Variants in MCTP2 observed in about 807,000 individuals in gnomAD.
MCTP2 encodes the protein multiple C2 and transmembrane domain containing 2, also known as multiple C2 and transmembrane domain-containing protein 2.
A neutral mutation model predicts 111.6 loss-of-function variants in MCTP2; 132 were observed. That is an observed-to-expected ratio of 1.18 (90% CI 1.03 to 1.37). MCTP2 has a LOEUF of 1.37. MCTP2 is among the 40% of genes most tolerant of loss of function. The pLI, the probability that MCTP2 is intolerant of heterozygous loss-of-function variation, is 0.00. For synonymous variants in MCTP2, 395 were observed against 387.7 expected, an observed-to-expected ratio of 1.02 and a Z score of -0.22; for missense variants, 1,183 against 1,067.9, an observed-to-expected ratio of 1.11 and a Z score of -1.50.
chr15:94,374,334 G>C (rs2079641282), intron 12 of MCTP2, among the ~76,000 whole-genome samples: 1 of 152,212 alleles, frequency 6.6e-6, no homozygotes. Flanking sequence ...TACCCATTGA[G>C]AGAGATCAGC....
chr15:94,234,752 T>C (rs1266085123), intron 1 of MCTP2, among the ~76,000 whole-genome samples: 2 of 152,216 alleles, frequency 1.3e-5, no homozygotes, highest in African/African-American at 2.4e-5. Flanking sequence ...AGTTTTCTAA[T>C]GTCCCAAGTC....
chr15:94,308,419 G>GC (rs1281436426), intron 2 of MCTP2, among the ~76,000 whole-genome samples: 1 of 152,172 alleles, frequency 6.6e-6, no homozygotes. Flanking sequence ...CTCAGGGGAA[G>GC]CCCAACCTAG....
chr15:94,397,106 C>T (rs974033221), intron 14 of MCTP2, among the ~76,000 whole-genome samples: 1 of 152,098 alleles, frequency 6.6e-6, no homozygotes, highest in East Asian at 1.9e-4. Context: ...AATTTTTAAA[C>T]TTTTTACAGT....
chr15:94,399,896 T>C, intron 15 of MCTP2, 25 bp from the exon 16 acceptor site: 1 of 1,610,070 alleles, frequency 6.2e-7, no homozygotes, highest in South Asian at 1.1e-5. Context: ...ATGCTGCCCT[T>C]TTTTAACAAG....
At chr15:94,238,787 T>G (rs1396306490) in intron 1 of MCTP2, among the ~76,000 whole-genome samples, 1 of 150,456 alleles carries the variant, frequency 6.6e-6, no homozygotes, top group Non-Finnish European at 1.5e-5. Flanking sequence ...ACAGAGGGAG[T>G]GTTTTGAGAA....
rs780796273 is a variant in MCTP2 at position 94,392,842 on chromosome 15, A to C, written c.1789-6119A>C. Among the ~76,000 whole-genome samples the C allele has an allele frequency of 3.4e-4, 51 of 152,068 alleles. 1 individual carries two copies. The highest frequency in any genetic ancestry group is 6.3e-4 in the South Asian group (3 of 4,800). ...AAAAACAAACAAACAAACAAACAAAAAAAAACAAAAAACTTGGAGAAAAAA... is the reference window on the plus strand; with the variant it reads ...AAAAACAAACAAACAAACAAACAAACAAAAACAAAAAACTTGGAGAAAAAA... On this transcript the variant is annotated intron_variant, in intron 14 of 22. Coordinates refer to ENST00000357742, the MANE Select transcript of MCTP2 (RefSeq NM_001385001.1).
intron 9 of MCTP2, among the ~76,000 whole-genome samples, chr15:94,357,665 G>A (rs1010549680): frequency 1.8e-4 from 28 of 152,068 alleles, no homozygotes; most frequent in Admixed American, 1.2e-3. Context: ...CTACAGCCGA[G>A]GTCTGAGTTC....
intron 1 of MCTP2, among the ~76,000 whole-genome samples, chr15:94,243,731 G>GCGTATATACATATA (rs1567253718): frequency 5.0e-4 from 25 of 50,276 alleles, no homozygotes; most frequent in African/African-American, 2.1e-3. Context: ...ACATACATAT[G>GCGTATATACATATA]TGTATACATA....
intron 17 of MCTP2, among the ~76,000 whole-genome samples, chr15:94,436,251 C>G (rs547952497): frequency 8.8e-4 from 134 of 152,338 alleles, no homozygotes; most frequent in Non-Finnish European, 1.6e-3. Flanking sequence ...GTGACTGCAG[C>G]TGCTCTTGGA....
At chr15:94,242,980 C>T (rs77937481) in intron 1 of MCTP2, among the ~76,000 whole-genome samples, 14,176 of 65,314 alleles carry the variant, frequency 0.22, 3,232 homozygotes, top group African/African-American at 0.29. Flanking sequence ...TGTATCTACA[C>T]ATACACGTGT....
chr15:94,423,015 A>G (rs933277370), intron 17 of MCTP2, among the ~76,000 whole-genome samples: 13 of 152,092 alleles, frequency 8.5e-5, no homozygotes, highest in Non-Finnish European at 1.9e-4. Context: ...AGTCTTACCT[A>G]AGCACTTTCA....
At chr15:94,349,938 G>T (rs2078213580) in intron 8 of MCTP2, among the ~76,000 whole-genome samples, 1 of 151,932 alleles carries the variant, frequency 6.6e-6, no homozygotes, top group Admixed American at 6.6e-5. Context: ...ACTATTTATT[G>T]TAGGACTCTA....
chr15:94,445,401 T>G (rs916127913), intron 19 of MCTP2, among the ~76,000 whole-genome samples: 2 of 152,216 alleles, frequency 1.3e-5, no homozygotes, highest in Non-Finnish European at 2.9e-5. Context: ...AAAATGATAT[T>G]TTGACTTCTG....
At position 94,480,039 on chromosome 15, in the gene MCTP2, A is replaced by G. The variant is rs142524503; in HGVS notation, c.*1005A>G. 2 of 152,282 alleles carry G rather than the reference A, an allele frequency of 1.3e-5. No homozygotes were observed. The highest frequency in any genetic ancestry group is 2.1e-4 in the South Asian group (1 of 4,822). The allele number at this position is 152,282 out of a possible 1,614,324, so 9.4% of individuals were successfully genotyped here. Reference sequence around the variant, plus strand: ...TTAGAAGTAAAATAAGCTACATACAATAAAAATTTATTTCAGAACCCCATT... The same window carrying G: ...TTAGAAGTAAAATAAGCTACATACAGTAAAAATTTATTTCAGAACCCCATT... On this transcript the variant is annotated 3_prime_UTR_variant, in exon 23 of 23. Transcript: ENST00000357742.
chr15:94,438,832 G>A (rs1327806921), intron 17 of MCTP2, among the ~76,000 whole-genome samples: 1 of 152,052 alleles, frequency 6.6e-6, no homozygotes, highest in Admixed American at 6.6e-5. Context: ...TCTTAATGTG[G>A]TATGATTTAT....
intron 17 of MCTP2, among the ~76,000 whole-genome samples, chr15:94,420,754 T>TA (rs1264314844): frequency 6.6e-6 from 1 of 152,178 alleles, no homozygotes; most frequent in African/African-American, 2.4e-5. Flanking sequence ...CTACTCCTGG[T>TA]GAAGATGCTA....
chr15:94,257,569 G>GTTTT (rs760633548), intron 1 of MCTP2, among the ~76,000 whole-genome samples: 13 of 33,860 alleles, frequency 3.8e-4, no homozygotes, highest in African/African-American at 1.2e-3. Context: ...TTTCTTTGTT[G>GTTTT]TTTTTTTTTT....
At chr15:94,422,476 C>T (rs1340839386) in intron 17 of MCTP2, among the ~76,000 whole-genome samples, 5 of 152,170 alleles carry the variant, frequency 3.3e-5, no homozygotes, top group Non-Finnish European at 5.9e-5. Context: ...GCATCCCAGG[C>T]AAAAGCGATC....
intron 4 of MCTP2, among the ~76,000 whole-genome samples, chr15:94,324,795 G>T (rs192524753): frequency 7.9e-5 from 12 of 152,062 alleles, no homozygotes; most frequent in African/African-American, 2.9e-4. Context: ...TTAAATAATT[G>T]TTATCTTATT....
Sources: gnomAD v4.1 joint callset for allele counts (sites outside exome capture counted in the v4.1 genomes callset) on GRCh38, gnomAD v4.1.1 for gene constraint, MANE v1.5 for transcripts, NCBI Gene and HGNC (gene_info 2026-07-23, HGNC 2026-07-21) for gene names.